AVEN: variants seen among roughly 807,000 people sequenced by gnomAD.
AVEN encodes apoptosis and caspase activation inhibitor.
In AVEN, 41 loss-of-function variants were observed where a neutral mutation model predicts 38.1. That is an observed-to-expected ratio of 1.08 (90% CI 0.84 to 1.40). The LOEUF (loss-of-function observed/expected upper bound fraction) is 1.40, where lower values mean the gene tolerates loss of function less well. Among genes scored for constraint, AVEN ranks in the 40% most tolerant of loss-of-function variants. AVEN has a pLI of 0.00. For missense variants in AVEN, 605 were observed against 438.8 expected, an observed-to-expected ratio of 1.38 and a Z score of -3.38; for synonymous variants, 206 against 171.8, an observed-to-expected ratio of 1.20 and a Z score of -1.56.
intron 2 of AVEN, among the ~76,000 whole-genome samples, chr15:33,899,963 A>T (rs140991796): frequency 0.011 from 1,724 of 151,930 alleles, 26 homozygotes; most frequent in African/African-American, 0.039. Flanking sequence ...ACACAAGTAT[A>T]AAGTCATGTG....
intron 4 of AVEN, among the ~76,000 whole-genome samples, chr15:33,868,778 C>G (rs555955704): frequency 6.6e-6 from 1 of 152,026 alleles, no homozygotes. Context: ...GAGAGAGTGA[C>G]GTGGAGTGTG....
intron 3 of AVEN, 90 bp downstream of exon 3, chr15:33,875,835 A>G: frequency 2.4e-6 from 3 of 1,253,232 alleles, no homozygotes; most frequent in Non-Finnish European, 1.1e-6. Context: ...ACTCTTTTCT[A>G]CATGAAGACT....
chr15:33,880,730 T>C (rs1157981132), intron 2 of AVEN, among the ~76,000 whole-genome samples: 1 of 151,704 alleles, frequency 6.6e-6, no homozygotes, highest in African/African-American at 2.4e-5. Flanking sequence ...GAGACCAAAA[T>C]AGTAGAAAAC....
At chr15:33,961,727 G>A (rs1378399628) in intron 2 of AVEN, among the ~76,000 whole-genome samples, 2 of 143,926 alleles carry the variant, frequency 1.4e-5, no homozygotes, top group South Asian at 2.2e-4. Context: ...GCAGGAGAAT[G>A]GCGTGAACCC....
intron 2 of AVEN, among the ~76,000 whole-genome samples, chr15:33,943,573 C>T (rs187244686): frequency 2.9e-3 from 437 of 152,264 alleles, no homozygotes; most frequent in African/African-American, 9.8e-3. Flanking sequence ...GCTGGGCACA[C>T]GCCTGTAATC....
At chr15:33,854,095 C>G (rs563530614), downstream of AVEN, among the ~76,000 whole-genome samples, 5 of 151,490 alleles carry the variant, frequency 3.3e-5, no homozygotes, top group African/African-American at 9.7e-5. Context: ...GCTTGGGAGG[C>G]TGAGGCAGGA....
intron 2 of AVEN, among the ~76,000 whole-genome samples, chr15:33,923,718 G>A (rs1046125357): frequency 1.3e-5 from 2 of 152,174 alleles, no homozygotes; most frequent in Non-Finnish European, 2.9e-5. Flanking sequence ...CTAGGGGTTA[G>A]GAACCAGGCC....
chr15:34,019,026 C>T (rs756316054), intron 1 of AVEN, among the ~76,000 whole-genome samples: 8 of 151,320 alleles, frequency 5.3e-5, no homozygotes, highest in South Asian at 4.2e-4. Flanking sequence ...AGACACAGAG[C>T]GCTGATTGGT....
At chr15:33,933,749 G>A (rs778368606) in intron 2 of AVEN, among the ~76,000 whole-genome samples, 11 of 152,210 alleles carry the variant, frequency 7.2e-5, no homozygotes, top group African/African-American at 1.9e-4. Flanking sequence ...ACCTGAGGCC[G>A]GGAGTTCAAG....
At chr15:34,075,242 G>C (rs1394579412), upstream of AVEN, among the ~76,000 whole-genome samples, 1 of 148,608 alleles carries the variant, frequency 6.7e-6, no homozygotes, top group Non-Finnish European at 1.5e-5. Flanking sequence ...AAGGAAAGAA[G>C]TTTAATTTAC....
intron 1 of AVEN, among the ~76,000 whole-genome samples, chr15:34,028,618 CA>C (rs1298292633): frequency 6.6e-6 from 1 of 151,982 alleles, no homozygotes; most frequent in Non-Finnish European, 1.5e-5. Context: ...GAGAGGACAG[CA>C]AAGTGGCAAA....
At chr15:33,859,557 C>CTTAT (rs1207190523) in intron 11 of AVEN, 1 of 1,613,282 alleles carries the variant, frequency 6.2e-7, no homozygotes, top group African/African-American at 1.3e-5. Context: ...CTAAATCCCC[C>CTTAT]TTATTTTTCT....
intron 2 of AVEN, among the ~76,000 whole-genome samples, chr15:33,887,597 A>T (rs2153039591): frequency 6.6e-6 from 1 of 152,298 alleles, no homozygotes; most frequent in South Asian, 2.1e-4. Flanking sequence ...AATAACATAA[A>T]TATAGAAGAT....
chr15:33,866,410 A>C lies in AVEN; in HGVS notation c.*203T>G, dbSNP rs1488048529. The stretch of plus-strand genomic sequence containing the variant: ...CTTAAGGAAATCTATTAGATTACTA[A>C]GCCAGAAAAACAAATGCAACAAGCT... On this transcript the variant is annotated 3_prime_UTR_variant, in exon 6 of 6. Transcript: ENST00000306730. 2 of 583,346 alleles carry C rather than the reference A, an allele frequency of 3.4e-6. No individual in the cohort carries two copies. The highest frequency in any genetic ancestry group is 6.5e-5 in the Admixed American group (2 of 30,992). 36.1% of individuals were successfully genotyped at this position (583,346 alleles called of 1,614,324 possible). A position where few individuals can be genotyped will look rare whatever the true frequency, so the allele number is the denominator to read the frequency against.
intron 1 of AVEN, among the ~76,000 whole-genome samples, chr15:34,017,950 C>T (rs555672765): frequency 7.2e-5 from 11 of 152,164 alleles, no homozygotes; most frequent in South Asian, 2.1e-4. Context: ...AGGTCTGTGG[C>T]GATACTGATG....
At chr15:34,037,127 AT>A (rs1298799124) in intron 1 of AVEN, among the ~76,000 whole-genome samples, 1 of 137,354 alleles carries the variant, frequency 7.3e-6, no homozygotes, top group African/African-American at 3.5e-5. Context: ...AAAAAAAAAT[AT>A]ATACCATCAT....
chr15:33,981,924 C>G (rs544748367), intron 2 of AVEN, among the ~76,000 whole-genome samples: 1 of 152,234 alleles, frequency 6.6e-6, no homozygotes, highest in African/African-American at 2.4e-5. Context: ...AACCTCAGCT[C>G]ACTGCAACCT....
chr15:33,995,757 G>A (rs1896905689), intron 2 of AVEN, among the ~76,000 whole-genome samples: 1 of 152,252 alleles, frequency 6.6e-6, no homozygotes, highest in Non-Finnish European at 1.5e-5. Context: ...GCAGCTCCCA[G>A]CGTGATCAAT....
Position 33,866,727 on chromosome 15 carries a change from A to C in AVEN, c.975T>G (p.Val325=), listed in dbSNP as rs754404787. The C allele has an allele frequency of 3.7e-6, 6 of 1,608,818 alleles. No homozygotes were observed. The highest frequency in any genetic ancestry group is 5.1e-6 in the Non-Finnish European group (6 of 1,175,562). ...CTTCAGTCACAGATGGTTTTGCACA[A>C]ACTGGGGGAAAAAAAACAATGTTAA... is the stretch of plus-strand genomic sequence containing the variant. ...EDGEVVQEEE[V]CAKPSVTEEK... is the part of the protein sequence containing the mutation. Residue 325 remains valine, a splice_region_variant and synonymous_variant, in exon 6 of 6, where the codon GTT becomes GTG. Coordinates refer to ENST00000306730, the MANE Select transcript of AVEN (RefSeq NM_020371.3).
Sources: gnomAD v4.1 joint callset for allele counts (sites outside exome capture counted in the v4.1 genomes callset) on GRCh38, gnomAD v4.1.1 for gene constraint, MANE v1.5 for transcripts, NCBI Gene and HGNC (gene_info 2026-07-23, HGNC 2026-07-21) for gene names.